The following TYW1B variants were observed in gnomAD, a reference collection of about 807,000 sequenced individuals.
The protein encoded by TYW1B is S-adenosyl-L-methionine-dependent tRNA 4-demethylwyosine synthase TYW1B.
In TYW1B, 73 loss-of-function variants were observed where a neutral mutation model predicts 86.9. The ratio of observed to expected loss-of-function variants is 0.84; its 90% CI spans 0.70 to 1.02. The LOEUF (loss-of-function observed/expected upper bound fraction) is 1.02, where lower values mean the gene tolerates loss of function less well. Ranked by LOEUF, TYW1B falls within the 50% of genes least tolerant of loss-of-function variation. The pLI is 0.00. For synonymous variants in TYW1B, 248 were observed against 292.8 expected, an observed-to-expected ratio of 0.85 and a Z score of 1.56; for missense variants, 637 against 827.4, an observed-to-expected ratio of 0.77 and a Z score of 2.82.
intron 2 of TYW1B, among the ~76,000 whole-genome samples, chr7:72,816,604 C>T (rs13307806): frequency 6.6e-6 from 1 of 152,140 alleles, no homozygotes; most frequent in African/African-American, 2.4e-5. Flanking sequence ...AGCTTCAGGA[C>T]AGAGGCTCAT....
intron 10 of TYW1B, among the ~76,000 whole-genome samples, chr7:72,705,241 T>C (rs1814584368): frequency 6.6e-6 from 1 of 152,202 alleles, no homozygotes; most frequent in South Asian, 2.1e-4. Context: ...TTCAAACATA[T>C]ACTATGCACC....
chr7:72,612,397 ACACTTAC>A (rs1811954930), intron 13 of TYW1B, among the ~76,000 whole-genome samples: 2 of 152,216 alleles, frequency 1.3e-5, no homozygotes, highest in Admixed American at 1.3e-4. Context: ...AAGGAGTGGT[ACACTTAC>A]AAAAATCACT....
chr7:72,778,764 A>G (rs1787999698), intron 6 of TYW1B, among the ~76,000 whole-genome samples: 1 of 152,216 alleles, frequency 6.6e-6, no homozygotes, highest in African/African-American at 2.4e-5. Context: ...TCCAAAGGAT[A>G]ATATAAAAAT....
At chr7:72,576,870 T>C (rs1220372674) in intron 13 of TYW1B, among the ~76,000 whole-genome samples, 1 of 151,512 alleles carries the variant, frequency 6.6e-6, no homozygotes, top group Non-Finnish European at 1.5e-5. Context: ...CTCATGCCTG[T>C]CATCCCAGCA....
intron 13 of TYW1B, among the ~76,000 whole-genome samples, chr7:72,607,720 A>C (rs1554435143): frequency 6.6e-6 from 1 of 152,102 alleles, no homozygotes; most frequent in East Asian, 1.9e-4. Context: ...TAACAAAAAA[A>C]AAATCTAACA....
At chr7:72,744,303 GTGTT>G (rs1258693759) in intron 8 of TYW1B, among the ~76,000 whole-genome samples, 177 bp downstream of exon 8, 2 of 152,098 alleles carry the variant, frequency 1.3e-5, no homozygotes, top group Non-Finnish European at 2.9e-5. Context: ...ATTCCTCACA[GTGTT>G]TGTCCAAGAG....
chr7:72,620,716 G>A (rs1457852860), intron 12 of TYW1B, among the ~76,000 whole-genome samples: 2 of 152,084 alleles, frequency 1.3e-5, no homozygotes, highest in Non-Finnish European at 1.5e-5. Context: ...TATCACAGCT[G>A]TCTGCCACCT....
At chr7:72,616,899 C>T (rs1812091084) in intron 12 of TYW1B, 60 bp from the exon 13 acceptor site, 4 of 1,587,464 alleles carry the variant, frequency 2.5e-6, no homozygotes, top group Admixed American at 1.8e-5. Flanking sequence ...TCATAGAAGA[C>T]TTTCAGAGCC....
chr7:72,709,639 G>T lies in TYW1B; in HGVS notation c.1370+3982C>A, dbSNP rs1329924681. Among the ~76,000 whole-genome samples, 5 of 152,176 alleles carry T rather than the reference G, an allele frequency of 3.3e-5. No homozygotes were observed. The East Asian group carries it at 5.8e-4, about 18-fold the overall frequency. On this transcript the variant is annotated intron_variant, in intron 10 of 13. Coordinates refer to ENST00000620995, the MANE Select transcript of TYW1B (RefSeq NM_001145440.3). ...GCCGAGATGGCGCCATTGCACTCTAGCCTGGGTGACAGAGCGAGACTCCGT... is the reference window on the plus strand; with the variant it reads ...GCCGAGATGGCGCCATTGCACTCTATCCTGGGTGACAGAGCGAGACTCCGT...
intron 11 of TYW1B, among the ~76,000 whole-genome samples, chr7:72,633,728 G>A (rs1220872958): frequency 2.6e-5 from 4 of 151,852 alleles, no homozygotes; most frequent in African/African-American, 4.8e-5. Context: ...ATTCACCTAT[G>A]TTGCTCCATG....
intron 9 of TYW1B, among the ~76,000 whole-genome samples, chr7:72,721,257 C>T (rs1434901994): frequency 3.3e-5 from 5 of 152,150 alleles, no homozygotes; most frequent in Admixed American, 2.0e-4. Context: ...TTTGGGTATA[C>T]ACCCAGTAAT....
intron 7 of TYW1B, among the ~76,000 whole-genome samples, chr7:72,775,741 A>C (rs1463089964): frequency 6.6e-5 from 10 of 152,028 alleles, no homozygotes; most frequent in Admixed American, 2.0e-4. Context: ...AAAAAAAAAA[A>C]ACAAAAAACA....
intron 10 of TYW1B, among the ~76,000 whole-genome samples, chr7:72,696,794 T>G (rs1200340236): frequency 2.0e-5 from 3 of 152,158 alleles, no homozygotes; most frequent in Non-Finnish European, 2.9e-5. Flanking sequence ...TGACCAAATG[T>G]AGGACAGAGG....
chr7:72,608,709 G>A (rs1192226272), intron 13 of TYW1B, among the ~76,000 whole-genome samples: 1 of 152,184 alleles, frequency 6.6e-6, no homozygotes, highest in Admixed American at 6.5e-5. Context: ...TGCAAACACT[G>A]ATCAAAAGAA....
At chr7:72,612,981 G>A (rs1811973159) in intron 13 of TYW1B, among the ~76,000 whole-genome samples, 1 of 151,878 alleles carries the variant, frequency 6.6e-6, no homozygotes, top group Non-Finnish European at 1.5e-5. Flanking sequence ...GAACTCCTGG[G>A]GTCAAGGGAT....
intron 13 of TYW1B, among the ~76,000 whole-genome samples, chr7:72,584,042 G>A (rs1183260927): frequency 2.6e-5 from 4 of 152,100 alleles, no homozygotes; most frequent in Non-Finnish European, 5.9e-5. Flanking sequence ...GCAAAGAGAG[G>A]CTTTTTGTTT....
intron 13 of TYW1B, among the ~76,000 whole-genome samples, chr7:72,587,472 G>C (rs1811301212): frequency 6.6e-6 from 1 of 152,148 alleles, no homozygotes; most frequent in Non-Finnish European, 1.5e-5. Flanking sequence ...TGAGCCAGGA[G>C]TGCTGATTGG....
Position 72,777,409 on chromosome 7 carries a change from T to C in TYW1B, c.964+7A>G. On this transcript the variant is annotated splice_region_variant and intron_variant, in intron 7 of 13. Coordinates refer to ENST00000620995, the MANE Select transcript of TYW1B (RefSeq NM_001145440.3). Reference sequence around the variant, plus strand: ...GTCATATAACAACAATTCTTGAAGATTTTCACCTTGTTTAGTAAGGGCTTC... The same window carrying C: ...GTCATATAACAACAATTCTTGAAGACTTTCACCTTGTTTAGTAAGGGCTTC... 1.2e-6 allele frequency: 2 copies of C among 1,612,830 alleles called. No individual in the cohort carries two copies. The highest frequency in any genetic ancestry group is 1.7e-6 in the Non-Finnish European group (2 of 1,179,522).
intron 13 of TYW1B, among the ~76,000 whole-genome samples, chr7:72,596,052 T>A (rs1307464187): frequency 1.3e-5 from 2 of 151,836 alleles, no homozygotes; most frequent in Admixed American, 1.3e-4. Context: ...GGCAGGTGCC[T>A]GTAATCCCAG....
Sources: allele counts gnomAD v4.1 joint callset (sites outside exome capture counted in the v4.1 genomes callset), GRCh38; gene constraint gnomAD v4.1.1; transcripts MANE v1.5; gene names NCBI Gene and HGNC (gene_info 2026-07-23, HGNC 2026-07-21).